The following CEP128 variants were observed in gnomAD, a reference collection of about 807,000 sequenced individuals.
CEP128 encodes centrosomal protein 128, also known as centrosomal protein 128kDa.
A neutral mutation model predicts 156.7 loss-of-function variants in CEP128; 132 were observed. The observed-to-expected ratio is 0.84, with a 90% CI of 0.73 to 0.97. CEP128 has a LOEUF of 0.97. Among genes scored for constraint, CEP128 ranks in the 50% least tolerant of loss-of-function variants. CEP128 has a pLI of 0.00. For synonymous variants in CEP128, 469 were observed against 448.9 expected (o/e 1.04, Z -0.57); for missense variants, 1,252 against 1,281.9 (o/e 0.98, Z 0.36).
chr14:80,612,965 C>CTAG (rs1893054414), intron 19 of CEP128, among the ~76,000 whole-genome samples: 2 of 151,640 alleles, frequency 1.3e-5, no homozygotes, highest in Non-Finnish European at 2.9e-5. Flanking sequence ...CTCAGCCTCC[C>CTAG]GAGTAGCTGG....
At chr14:80,562,135 C>T (rs1029839644) in intron 20 of CEP128, among the ~76,000 whole-genome samples, 3 of 151,800 alleles carry the variant, frequency 2.0e-5, no homozygotes, top group Admixed American at 2.0e-4. Flanking sequence ...ACCATGTTAG[C>T]CAGGATGGTC....
intron 2 of CEP128, among the ~76,000 whole-genome samples, chr14:80,953,505 A>G (rs1355776308): frequency 1.3e-5 from 2 of 152,204 alleles, no homozygotes; most frequent in Non-Finnish European, 2.9e-5. Flanking sequence ...GAATCCCTTG[A>G]GCCCGGGAGG....
intron 17 of CEP128, among the ~76,000 whole-genome samples, chr14:80,759,918 GTGTGTGTGT>G (rs1899874806): frequency 2.9e-5 from 2 of 69,728 alleles, no homozygotes; most frequent in Non-Finnish European, 4.4e-5. Context: ...GTGTGTGTGT[GTGTGTGTGT>G]GTGTGTATAC....
At chr14:80,907,032 A>G (rs1883921570) in intron 4 of CEP128, among the ~76,000 whole-genome samples, 1 of 152,222 alleles carries the variant, frequency 6.6e-6, no homozygotes, top group Non-Finnish European at 1.5e-5. Flanking sequence ...AGCCAGCGTT[A>G]AAAGGTAGAA....
intron 19 of CEP128, among the ~76,000 whole-genome samples, chr14:80,731,374 C>T (rs1898263814): frequency 2.6e-5 from 4 of 152,164 alleles, no homozygotes; most frequent in Admixed American, 2.6e-4. Flanking sequence ...TTAATAACCT[C>T]AGAAGTTTAT....
At position 80,732,083 on chromosome 14, in the gene CEP128, T is replaced by C. The variant is rs528184861; in HGVS notation, c.2806+10992A>G. On this transcript the variant is annotated intron_variant, in intron 19 of 24. Transcript: ENST00000555265. ...CCACCCATCTATCCACCTGCCCCCA[T>C]ACACAAACATCCATTACATGTTTAC... Among the ~76,000 whole-genome samples, 8 of 152,230 alleles carry C rather than the reference T, an allele frequency of 5.3e-5. No homozygotes were observed. The East Asian group carries it at 1.2e-3, about 22-fold the overall frequency.
rs946942420 is a variant in CEP128, at chr14:80,717,813, C to CT, written c.2806+25261dup. Among the ~76,000 whole-genome samples the CT allele has an allele frequency of 1.9e-3, 292 of 151,830 alleles. 2 individuals carry two copies. The highest frequency in any genetic ancestry group is 6.7e-3 in the African/African-American group (276 of 41,436). The stretch of plus-strand genomic sequence containing the variant: ...GCCTCTATCTACTAATCCTATTTTT[C>CT]TTTTTTTTGCTTTTGTTTTGAGACA... On this transcript the variant is annotated intron_variant, in intron 19 of 24. Transcript: ENST00000555265.
At chr14:80,714,478 T>A (rs184720795) in intron 19 of CEP128, among the ~76,000 whole-genome samples, 1 of 151,936 alleles carries the variant, frequency 6.6e-6, no homozygotes, top group Non-Finnish European at 1.5e-5. Context: ...TATATGTGAA[T>A]ATACACATGA....
chr14:80,819,742 C>T (rs142066901), intron 13 of CEP128, among the ~76,000 whole-genome samples: 57 of 152,214 alleles, frequency 3.7e-4, no homozygotes, highest in South Asian at 2.1e-3. Flanking sequence ...TCTAGGAAAA[C>T]CAACATTTCA....
At chr14:80,719,881 A>G (rs1397649211) in intron 19 of CEP128, among the ~76,000 whole-genome samples, 2 of 152,210 alleles carry the variant, frequency 1.3e-5, no homozygotes, top group Non-Finnish European at 2.9e-5. Flanking sequence ...GCCTTAGAGA[A>G]TTTAGAGTCT....
intron 19 of CEP128, among the ~76,000 whole-genome samples, chr14:80,654,044 A>G (rs574686744): frequency 6.6e-6 from 1 of 152,236 alleles, no homozygotes; most frequent in South Asian, 2.1e-4. Flanking sequence ...AAAAAATGTG[A>G]AAGCCCCTGC....
chr14:80,529,405 G>C (rs1008328739), intron 22 of CEP128, among the ~76,000 whole-genome samples: 19 of 152,134 alleles, frequency 1.2e-4, no homozygotes, highest in Non-Finnish European at 2.1e-4. Context: ...CTAGCTCATA[G>C]GATTAAAAAT....
intron 14 of CEP128, among the ~76,000 whole-genome samples, chr14:80,792,303 C>T (rs1901749278): frequency 6.6e-6 from 1 of 152,186 alleles, no homozygotes; most frequent in Non-Finnish European, 1.5e-5. Flanking sequence ...ACAGTTGCTG[C>T]CAGTAAATGG....
chr14:80,796,545 C>T lies in CEP128; in HGVS notation c.1210-3435G>A, dbSNP rs147071543. ...CTTGCTCATTCTAACTCTCTGCTTC[C>T]TTAACTTTCATAATACTACTTCTCA... On this transcript the variant is annotated intron_variant, in intron 13 of 24. Transcript: ENST00000555265. Among the ~76,000 whole-genome samples the T allele has an allele frequency of 2.1e-3, 315 of 152,178 alleles. 1 individual carries two copies. The highest frequency in any genetic ancestry group is 7.3e-3 in the African/African-American group (302 of 41,542).
chr14:80,551,700 C>G (rs1000343880), intron 21 of CEP128, among the ~76,000 whole-genome samples: 1 of 152,258 alleles, frequency 6.6e-6, no homozygotes, highest in Non-Finnish European at 1.5e-5. Flanking sequence ...ATTTCTGGAG[C>G]TATACACTCT....
intron 9 of CEP128, among the ~76,000 whole-genome samples, chr14:80,853,688 T>C (rs12588075): frequency 0.098 from 14,863 of 151,964 alleles, 1,244 homozygotes; most frequent in East Asian, 0.43. Context: ...GCAATAAAAA[T>C]GCCAGCATGA....
At chr14:80,760,085 A>G (rs1899883183) in intron 17 of CEP128, among the ~76,000 whole-genome samples, 1 of 152,008 alleles carries the variant, frequency 6.6e-6, no homozygotes, top group South Asian at 2.1e-4. Context: ...TAGGATTTTC[A>G]AGGCTCCACA....
intron 19 of CEP128, among the ~76,000 whole-genome samples, chr14:80,586,090 A>G (rs1595047958): frequency 6.6e-6 from 1 of 152,248 alleles, no homozygotes; most frequent in East Asian, 1.9e-4. Flanking sequence ...GAACACAGAA[A>G]TAATCTAATC....
chr14:80,777,616 CT>C (rs1329118482), intron 16 of CEP128, among the ~76,000 whole-genome samples: 1 of 152,096 alleles, frequency 6.6e-6, no homozygotes, highest in Admixed American at 6.6e-5. Flanking sequence ...ACCATCATTC[CT>C]TTTTTTCTAC....
Sources: allele counts gnomAD v4.1 joint callset (sites outside exome capture counted in the v4.1 genomes callset), GRCh38; gene constraint gnomAD v4.1.1; transcripts MANE v1.5; gene names NCBI Gene and HGNC (gene_info 2026-07-23, HGNC 2026-07-21).